RUFY2: variants seen among roughly 807,000 people sequenced by gnomAD.
The protein encoded by RUFY2 is RUN and FYVE domain-containing protein 2.
Under a neutral mutation model 94.4 loss-of-function variants are expected in RUFY2, and 49 were observed. The ratio of observed to expected loss-of-function variants is 0.52; its 90% confidence interval spans 0.41 to 0.66. The LOEUF (loss-of-function observed/expected upper bound fraction) is 0.66. RUFY2 is among the 30% of genes least tolerant of loss of function. RUFY2 has a pLI of 0.00. For missense variants in RUFY2, 541 were observed against 692.8 expected (o/e 0.78, Z 2.46); for synonymous variants, 255 against 235.7 (o/e 1.08, Z -0.75).
In RUFY2 at chr10:68,383,872, G is replaced by T; in HGVS notation, c.865C>A (p.His289Asn). Reference sequence around the variant, plus strand: ...ATTTCATCTAGCCCCTGACGAGAATGCTTATATGTTTGAAGCTCAGTTTCC... The same window carrying T: ...ATTTCATCTAGCCCCTGACGAGAATTCTTATATGTTTGAAGCTCAGTTTCC... The part of the protein sequence containing the change: ...DVETELQTYK[H>N]SRQGLDEMYN... Residue 289 changes from histidine (H) to asparagine (N), a missense_variant, in exon 10 of 18, where the codon CAT becomes AAT. By Grantham distance (68) the His-to-Asn change is moderately conservative. Around this residue, in one of 3 missense-constraint regions of RUFY2, gnomAD observed 403 missense variants for 480.7 expected, o/e 0.84. Coordinates refer to ENST00000602465, the MANE Select transcript of RUFY2 (RefSeq NM_001330103.2). The T allele has an allele frequency of 1.9e-6, 3 of 1,613,840 alleles. No homozygotes were observed. Among genetic ancestry groups the T allele is most frequent in the Non-Finnish European group, 2.5e-6 (3 of 1,179,968 alleles).
chr10:68,354,921 A>G (rs2046940779), intron 16 of RUFY2, among the ~76,000 whole-genome samples: 2 of 149,830 alleles, frequency 1.3e-5, no homozygotes, highest in Admixed American at 1.3e-4. Flanking sequence ...ATCTCTGCTC[A>G]TTGCAACCTC....
chr10:68,377,104 T>TCACAAAC, intron 12 of RUFY2, 132 bp from the exon 13 acceptor site: 2 of 1,513,920 alleles, frequency 1.3e-6, no homozygotes, highest in South Asian at 2.5e-5. Context: ...GGGGGAAAAC[T>TCACAAAC]CACAAACTCA....
intron 13 of RUFY2, among the ~76,000 whole-genome samples, chr10:68,375,816 C>T (rs929686846): frequency 1.3e-5 from 2 of 151,090 alleles, no homozygotes; most frequent in Non-Finnish European, 2.9e-5. Context: ...ACAAAAAGTT[C>T]GCCAGGCACA....
chr10:68,356,901 T>C (rs1308454533), intron 15 of RUFY2, among the ~76,000 whole-genome samples: 1 of 151,884 alleles, frequency 6.6e-6, no homozygotes. Flanking sequence ...CTCTCATGCC[T>C]GTAATGCCAG....
intron 15 of RUFY2, among the ~76,000 whole-genome samples, chr10:68,359,370 G>GTA (rs1249609820): frequency 6.7e-6 from 1 of 148,874 alleles, no homozygotes; most frequent in South Asian, 2.1e-4. Flanking sequence ...ATACATATAC[G>GTA]TATATATGTG....
intron 6 of RUFY2, 98 bp from the exon 7 acceptor site, chr10:68,393,301 TA>T: frequency 1.7e-6 from 1 of 579,380 alleles, no homozygotes; most frequent in Non-Finnish European, 2.9e-6. Flanking sequence ...ACTAAAATAA[TA>T]AAACATTGTC....
At chr10:68,350,494 A>C (rs2046585814) in intron 16 of RUFY2, among the ~76,000 whole-genome samples, 2 of 152,238 alleles carry the variant, frequency 1.3e-5, no homozygotes, top group South Asian at 4.1e-4. Flanking sequence ...TCAGATATGA[A>C]TCCAGTTTCC....
intron 2 of RUFY2, among the ~76,000 whole-genome samples, chr10:68,403,365 C>T (rs1379665369): frequency 2.0e-5 from 3 of 152,070 alleles, no homozygotes; most frequent in African/African-American, 7.2e-5. Context: ...AATTCTCCTG[C>T]CTCAGCCTCC....
At position 68,345,817 on chromosome 10, in the gene RUFY2, T is replaced by A; in HGVS notation, c.1772A>T (p.Asp591Val). The change falls in exon 18 of 18, where the codon GAT (aspartate) becomes GTT (valine). Residue 591 changes from aspartate to valine, a missense_variant. This residue lies in a region of RUFY2 where 403 missense variants were observed against 480.7 expected (regional missense o/e 0.84). Transcript: ENST00000602465. ...CTGAATGAGCAGTGCATGACAGGAATCACAAACCCGTACTGGTTTTGGTGA... is the reference window on the plus strand; with the variant it reads ...CTGAATGAGCAGTGCATGACAGGAAACACAAACCCGTACTGGTTTTGGTGA... Reference protein sequence around the residue: ...PSSPKPVRVCDSCHALLIQRC... With the variant: ...PSSPKPVRVCVSCHALLIQRC... 6.2e-7 allele frequency: 1 copy of A among 1,614,016 alleles called. No individual in the cohort carries two copies. The highest frequency in any genetic ancestry group is 8.5e-7 in the Non-Finnish European group (1 of 1,179,908).
intron 13 of RUFY2, among the ~76,000 whole-genome samples, chr10:68,365,362 T>C (rs1405043628): frequency 1.3e-5 from 2 of 152,226 alleles, no homozygotes; most frequent in Non-Finnish European, 2.9e-5. Context: ...TCCATGTCTG[T>C]GTGAGTCTTC....
chr10:68,377,188 C>G (rs1589887175), intron 12 of RUFY2: 1 of 1,393,620 alleles, frequency 7.2e-7, no homozygotes, highest in East Asian at 2.8e-5. Context: ...GTAGTATGCC[C>G]AGAATACTAT....
chr10:68,383,694 C>T (rs1231921697), intron 10 of RUFY2, 104 bp downstream of exon 10: 3 of 804,728 alleles, frequency 3.7e-6, no homozygotes, highest in Non-Finnish European at 6.3e-6. Context: ...TTGCTACATA[C>T]CACACCAAAA....
chr10:68,371,461 G>A (rs898624574), intron 13 of RUFY2, among the ~76,000 whole-genome samples: 6 of 151,318 alleles, frequency 4.0e-5, no homozygotes, highest in Non-Finnish European at 7.4e-5. Flanking sequence ...GCATGATGGC[G>A]CACGCCTGTA....
chr10:68,375,294 G>A (rs1236253660), intron 13 of RUFY2, among the ~76,000 whole-genome samples: 1 of 133,636 alleles, frequency 7.5e-6, no homozygotes, highest in Non-Finnish European at 1.6e-5. Context: ...GGAAACAACA[G>A]ATACAGGTGT....
At chr10:68,383,656 G>A (rs2049265303) in intron 10 of RUFY2, 142 bp downstream of exon 10, 1 of 679,400 alleles carries the variant, frequency 1.5e-6, no homozygotes, top group African/African-American at 1.8e-5. Flanking sequence ...TGGAAGCTTA[G>A]AAAATTTGAG....
intron 13 of RUFY2, among the ~76,000 whole-genome samples, chr10:68,374,064 C>T (rs1361406147): frequency 7.3e-6 from 1 of 136,936 alleles, no homozygotes; most frequent in Non-Finnish European, 1.5e-5. Flanking sequence ...CTGCAGTGAG[C>T]TATGATCATG....
At chr10:68,369,135 ATGTT>A (rs752529341) in intron 13 of RUFY2, among the ~76,000 whole-genome samples, 8 of 152,308 alleles carry the variant, frequency 5.3e-5, no homozygotes, top group South Asian at 4.1e-4. Flanking sequence ...TATGGTTTGA[ATGTT>A]TGTCCTCTTC....
intron 15 of RUFY2, among the ~76,000 whole-genome samples, chr10:68,358,867 C>A (rs1564789782): frequency 6.6e-6 from 1 of 151,824 alleles, no homozygotes; most frequent in African/African-American, 2.4e-5. Flanking sequence ...GCCAAGATCA[C>A]GCCACTGCAC....
chr10:68,377,964 T>A, intron 12 of RUFY2: 1 of 985,386 alleles, frequency 1.0e-6, no homozygotes, highest in Non-Finnish European at 1.2e-6. Context: ...AAATCCAAGT[T>A]TAAATTAAAA....
Sources: gnomAD v4.1 joint callset for allele counts (sites outside exome capture counted in the v4.1 genomes callset) on GRCh38, gnomAD v4.1.1 for gene constraint, gnomAD v4.1.1 regional missense constraint, MANE v1.5 for transcripts, NCBI Gene and HGNC (gene_info 2026-07-23, HGNC 2026-07-21) for gene names.